PDE1A: variants seen among roughly 807,000 people sequenced by gnomAD.
The protein encoded by PDE1A is phosphodiesterase 1A, also known as dual specificity calcium/calmodulin-dependent 3',5'-cyclic nucleotide phosphodiesterase 1A.
Under a neutral mutation model 61.7 loss-of-function variants are expected in PDE1A, and 35 were observed. The observed-to-expected ratio is 0.57, with a 90% CI of 0.43 to 0.75. The LOEUF (loss-of-function observed/expected upper bound fraction) is 0.75. Among genes scored for constraint, PDE1A ranks in the 30% least tolerant of loss-of-function variants. The pLI, the probability that PDE1A is intolerant of heterozygous loss-of-function variation, is 0.00. For synonymous variants in PDE1A, 232 were observed against 213.2 expected, an observed-to-expected ratio of 1.09 and a Z score of -0.77; for missense variants, 597 against 630.6, an observed-to-expected ratio of 0.95 and a Z score of 0.57.
chr2:182,572,400 T>G, the PDE1A span, among the ~76,000 whole-genome samples: 2 of 152,144 alleles, frequency 1.3e-5, no homozygotes, highest in African/African-American at 2.4e-5. Context: ...CACTATTCCT[T>G]TAAACAAACT....
intron 13 of PDE1A, among the ~76,000 whole-genome samples, chr2:182,149,511 G>C (rs1030158406): frequency 2.0e-5 from 3 of 152,116 alleles, no homozygotes; most frequent in Non-Finnish European, 2.9e-5. Context: ...TAAAATTCCA[G>C]CTCTTTTCAG....
At chr2:182,695,760 C>T in the PDE1A span, among the ~76,000 whole-genome samples, 14 of 151,020 alleles carry the variant, frequency 9.3e-5, no homozygotes, top group Non-Finnish European at 1.6e-4. Flanking sequence ...AACAATATAT[C>T]TCATAGCGGA....
chr2:182,144,799 A>G (rs1690406783), downstream of PDE1A, among the ~76,000 whole-genome samples: 1 of 152,242 alleles, frequency 6.6e-6, no homozygotes, highest in African/African-American at 2.4e-5. Flanking sequence ...AAACATTTCA[A>G]AAAACTTTGG....
At chr2:182,662,999 C>G in the PDE1A span, among the ~76,000 whole-genome samples, 19 of 152,046 alleles carry the variant, frequency 1.2e-4, no homozygotes, top group Admixed American at 5.9e-4. Context: ...AAACACACCA[C>G]CCCATTAAAA....
At chr2:182,442,228 C>A (rs1473394162) in intron 2 of PDE1A, among the ~76,000 whole-genome samples, 1 of 151,954 alleles carries the variant, frequency 6.6e-6, no homozygotes, top group Non-Finnish European at 1.5e-5. Flanking sequence ...ATTTCTAATT[C>A]TTTTCTTGGA....
chr2:182,178,021 A>T (rs915570615), intron 13 of PDE1A, among the ~76,000 whole-genome samples: 9 of 152,204 alleles, frequency 5.9e-5, no homozygotes, highest in Admixed American at 1.3e-4. Flanking sequence ...CTTCTGAAAC[A>T]ACTACAAAAG....
At chr2:182,386,577 C>A (rs1701103132) in intron 1 of PDE1A, among the ~76,000 whole-genome samples, 1 of 151,374 alleles carries the variant, frequency 6.6e-6, no homozygotes, top group Admixed American at 6.6e-5. Flanking sequence ...AGCAGCCACC[C>A]CGTCTGAGAA....
chr2:182,384,490 A>AT (rs201202599), intron 1 of PDE1A, among the ~76,000 whole-genome samples: 3,034 of 148,374 alleles, frequency 0.02, 106 homozygotes, highest in African/African-American at 0.071. Context: ...AATAATAATA[A>AT]AATAGAAATC....
chr2:182,293,546 C>T (rs922775303), intron 1 of PDE1A, among the ~76,000 whole-genome samples: 5 of 152,022 alleles, frequency 3.3e-5, no homozygotes, highest in African/African-American at 1.2e-4. Context: ...GCAACTTCCA[C>T]GTACATCATG....
At chr2:182,593,455 C>A in the PDE1A span, among the ~76,000 whole-genome samples, 3 of 152,248 alleles carry the variant, frequency 2.0e-5, no homozygotes, top group South Asian at 2.1e-4. Context: ...CCCATCAATC[C>A]ACTACTGTTC....
the PDE1A span, among the ~76,000 whole-genome samples, chr2:182,646,440 A>G: frequency 6.7e-6 from 1 of 149,872 alleles, no homozygotes; most frequent in Non-Finnish European, 1.5e-5. Context: ...CTGTAATCCC[A>G]GTACTTTGGG....
At chr2:182,632,055 C>T in the PDE1A span, among the ~76,000 whole-genome samples, 1 of 152,082 alleles carries the variant, frequency 6.6e-6, no homozygotes, top group East Asian at 1.9e-4. Context: ...GGGTTTTATT[C>T]TCTTCCAGAC....
chr2:182,360,349 A>C (rs1039832466), intron 1 of PDE1A, among the ~76,000 whole-genome samples: 1 of 152,036 alleles, frequency 6.6e-6, no homozygotes, highest in African/African-American at 2.4e-5. Flanking sequence ...AGGCAATCGG[A>C]TTTGGCAAGT....
At chr2:182,628,993 G>T in the PDE1A span, among the ~76,000 whole-genome samples, 3 of 152,142 alleles carry the variant, frequency 2.0e-5, no homozygotes, top group Non-Finnish European at 4.4e-5. Flanking sequence ...GAGATCTCCT[G>T]CTGGCACTGA....
At chr2:182,271,258 CTGT>C (rs1693001116) in intron 1 of PDE1A, among the ~76,000 whole-genome samples, 1 of 150,172 alleles carries the variant, frequency 6.7e-6, no homozygotes, top group African/African-American at 2.4e-5. Context: ...AATCATTTCA[CTGT>C]ATATGTATAT....
intron 13 of PDE1A, among the ~76,000 whole-genome samples, chr2:182,162,192 A>G (rs555519021): frequency 1.2e-4 from 18 of 152,182 alleles, no homozygotes; most frequent in Non-Finnish European, 2.6e-4. Flanking sequence ...GGGAACTACA[A>G]TCACTCAATT....
At chr2:182,665,515 G>A in the PDE1A span, among the ~76,000 whole-genome samples, 1 of 152,132 alleles carries the variant, frequency 6.6e-6, no homozygotes, top group Non-Finnish European at 1.5e-5. Context: ...ACCACAATGA[G>A]ATACCATCTC....
At chr2:182,502,237 C>T (rs1035667529) in intron 2 of PDE1A, among the ~76,000 whole-genome samples, 1 of 152,112 alleles carries the variant, frequency 6.6e-6, no homozygotes, top group South Asian at 2.1e-4. Flanking sequence ...ATAGATAAGC[C>T]GCCCTGCTCC....
the PDE1A span, among the ~76,000 whole-genome samples, chr2:182,711,122 T>C: frequency 6.6e-6 from 1 of 152,164 alleles, no homozygotes; most frequent in Non-Finnish European, 1.5e-5. Flanking sequence ...TGAGTCACTG[T>C]GTATTGGAAC....
Sources: gnomAD v4.1 joint callset for allele counts (sites outside exome capture counted in the v4.1 genomes callset) on GRCh38, gnomAD v4.1.1 for gene constraint, MANE v1.5 for transcripts, NCBI Gene and HGNC (gene_info 2026-07-23, HGNC 2026-07-21) for gene names.